INTS6: variants seen among roughly 807,000 people sequenced by gnomAD.
INTS6 encodes the protein DEAD box protein.
INTS6 carries 16 observed loss-of-function variants against 104.9 expected under a neutral mutation model. The observed-to-expected ratio is 0.15, with a 90% confidence interval of 0.10 to 0.23. The LOEUF is 0.23. Among genes scored for constraint, INTS6 ranks in the 10% least tolerant of loss-of-function variants. The pLI is 1.00. For missense variants in INTS6, 584 were observed against 1,062.8 expected, an observed-to-expected ratio of 0.55 and a Z score of 6.26; for synonymous variants, 324 against 358.7, an observed-to-expected ratio of 0.90 and a Z score of 1.09.
chr13:51,428,548 A>C (rs987339007), intron 4 of INTS6, among the ~76,000 whole-genome samples: 26 of 151,854 alleles, frequency 1.7e-4, no homozygotes, highest in Non-Finnish European at 3.7e-4. Flanking sequence ...GCTGGTCTTG[A>C]ACTCCTGATC....
chr13:51,350,883 A>G (rs961288069), downstream of INTS6, among the ~76,000 whole-genome samples: 6 of 152,164 alleles, frequency 3.9e-5, no homozygotes, highest in African/African-American at 1.2e-4. Context: ...AAATTATACA[A>G]TTACATATTG....
At chr13:51,436,231 T>C (rs1952684448) in intron 3 of INTS6, among the ~76,000 whole-genome samples, 2 of 152,140 alleles carry the variant, frequency 1.3e-5, no homozygotes, top group African/African-American at 4.8e-5. Context: ...TTTAACCATG[T>C]GCATTTATTA....
chr13:51,365,193 T>C lies in INTS6; in HGVS notation c.*559A>G, dbSNP rs768067361. On this transcript the variant is annotated 3_prime_UTR_variant, in exon 18 of 18. Coordinates refer to ENST00000311234, the MANE Select transcript of INTS6 (RefSeq NM_012141.3). Reference sequence around the variant, plus strand: ...TCTTAGGATGTTTTTAAATGATTACTTTAAATGTGATTATTTCCTAAACCA... The same window carrying C: ...TCTTAGGATGTTTTTAAATGATTACCTTAAATGTGATTATTTCCTAAACCA... 3.9e-5 allele frequency: 6 copies of C among 152,566 alleles called. No individual in the cohort carries two copies. Among genetic ancestry groups the C allele is most frequent in the Non-Finnish European group, 7.4e-5 (5 of 67,968 alleles). The allele number at this position is 152,566 out of a possible 1,614,324, so 9.5% of individuals were successfully genotyped here. A position where few individuals can be genotyped will look rare whatever the true frequency, so the allele number is the denominator to read the frequency against.
Position 51,369,288 on chromosome 13 carries a change from C to G in INTS6, c.2127G>C (p.Ser709=). The part of the protein sequence containing the change: ...LHKISETTND[S]IIHDVVENHV... ...GATTTTCAACCACATCATGTATTAT[C>G]GAATCATTAGTGGTTTCTGAAACTA... is the stretch of plus-strand genomic sequence containing the variant. The change falls in exon 16 of 18, where the codon TCG becomes TCC. Residue 709 remains serine, a synonymous_variant. Transcript: ENST00000311234. The G allele has an allele frequency of 1.9e-6, 3 of 1,608,962 alleles. No individual in the cohort carries two copies. The highest frequency in any genetic ancestry group is 2.5e-6 in the Non-Finnish European group (3 of 1,176,664).
At chr13:51,422,034 A>C (rs1956904518) in intron 4 of INTS6, among the ~76,000 whole-genome samples, 1 of 152,194 alleles carries the variant, frequency 6.6e-6, no homozygotes, top group Admixed American at 6.5e-5. Flanking sequence ...AACTATCAGA[A>C]TCTGCTCATT....
chr13:51,379,452 T>C lies in INTS6; in HGVS notation c.1386+10A>G. The C allele has an allele frequency of 3.3e-6, 5 of 1,523,222 alleles. No homozygotes were observed. The highest frequency in any genetic ancestry group is 4.5e-6 in the Non-Finnish European group (5 of 1,109,832). 94.4% of individuals were successfully genotyped at this position (1,523,222 alleles called of 1,614,324 possible). A position where few individuals can be genotyped will look rare whatever the true frequency, so the allele number is the denominator to read the frequency against. ...AATACTTAATGGCTCACTCTATTTC[T>C]TGATATTACCTGTTGACTCAGTTTT... On this transcript the variant is annotated intron_variant, in intron 11 of 17. Transcript: ENST00000311234.
chr13:51,384,791 G>A (rs1235572505), intron 7 of INTS6: 1 of 433,142 alleles, frequency 2.3e-6, no homozygotes, highest in Non-Finnish European at 4.6e-6. Flanking sequence ...GCTGCCTTCT[G>A]TCAATACTAA....
chr13:51,341,963 A>G, the INTS6 span, among the ~76,000 whole-genome samples: 3 of 152,136 alleles, frequency 2.0e-5, no homozygotes, highest in African/African-American at 4.8e-5. Flanking sequence ...CAGATCTGCC[A>G]GCTTATTTCT....
Position 51,364,359 on chromosome 13 carries a change from A to G in INTS6, c.*1393T>C. On this transcript the variant is annotated 3_prime_UTR_variant, in exon 18 of 18. Transcript: ENST00000311234. The stretch of plus-strand genomic sequence containing the variant: ...ATTTTGCTATACCCTTGAAATTTAA[A>G]AAAATGTCTGATAAAGTGTAAAAAG... The G allele has an allele frequency of 1.3e-6, 1 of 784,130 alleles. No individual in the cohort carries two copies. The highest frequency in any genetic ancestry group is 1.9e-6 in the Non-Finnish European group (1 of 513,854). The allele number at this position is 784,130 out of a possible 1,614,324, so 48.6% of individuals were successfully genotyped here. A position where few individuals can be genotyped will look rare whatever the true frequency, so the allele number is the denominator to read the frequency against.
At position 51,365,608 on chromosome 13, in the gene INTS6, T is replaced by A; in HGVS notation, c.*144A>T. 1 of 447,400 alleles carries A rather than the reference T, an allele frequency of 2.2e-6. No homozygotes were observed. Among genetic ancestry groups the A allele is most frequent in the Non-Finnish European group, 4.1e-6 (1 of 244,904 alleles). The allele number at this position is 447,400 out of a possible 1,614,324, so 27.7% of individuals were successfully genotyped here. On this transcript the variant is annotated 3_prime_UTR_variant, in exon 18 of 18. Coordinates refer to ENST00000311234, the MANE Select transcript of INTS6 (RefSeq NM_012141.3). ...TGAAGAAAAGGTCACTGTAAAATGA[T>A]GGAAAAAGGATCTGTAGATTTGCTT...
chr13:51,452,671 C>G lies in INTS6; in HGVS notation c.-146G>C. The G allele has an allele frequency of 1.1e-5, 15 of 1,420,598 alleles. No individual in the cohort carries two copies. In the South Asian group the frequency reaches 1.7e-4, roughly 16 times the overall value. 88.0% of individuals were successfully genotyped at this position (1,420,598 alleles called of 1,614,324 possible). A position where few individuals can be genotyped will look rare whatever the true frequency, so the allele number is the denominator to read the frequency against. Reference sequence around the variant, plus strand: ...AACACTGTCTGGGTCTTTCCTCCGGCTGCGGGGAGTTTCTCCCCCGATAGT... The same window carrying G: ...AACACTGTCTGGGTCTTTCCTCCGGGTGCGGGGAGTTTCTCCCCCGATAGT... On this transcript the variant is annotated 5_prime_UTR_variant, in exon 1 of 18. Coordinates refer to ENST00000311234, the MANE Select transcript of INTS6 (RefSeq NM_012141.3). This position sits in a 1 kb window ranked among gnomAD's most constrained non-coding sequence, Gnocchi z 4.2.
chr13:51,356,764 C>T (rs1955487877), downstream of INTS6, among the ~76,000 whole-genome samples: 1 of 146,038 alleles, frequency 6.8e-6, no homozygotes, highest in Non-Finnish European at 1.5e-5. Context: ...TTTAAAAGTA[C>T]CTTTTTTGAT....
rs570802722 is a variant in INTS6 at position 51,436,076 on chromosome 13, T to C, written c.340-5693A>G. 2.0e-5 allele frequency among the ~76,000 whole-genome samples: 3 copies of C among 152,206 alleles called. No individual in the cohort carries two copies. In the East Asian group the frequency reaches 5.8e-4, roughly 29 times the overall value. The stretch of plus-strand genomic sequence containing the variant: ...TCTTTTGATGTCAAACTCTAAAATA[T>C]TCATCTTAAGACATTAACCCTTGTA... On this transcript the variant is annotated intron_variant, in intron 3 of 17. Coordinates refer to ENST00000311234, the MANE Select transcript of INTS6 (RefSeq NM_012141.3).
chr13:51,362,217 G>C lies in INTS6; in HGVS notation c.*3535C>G. 1 of 589,230 alleles carries C rather than the reference G, an allele frequency of 1.7e-6. No homozygotes were observed. The highest frequency in any genetic ancestry group is 3.2e-5 in the South Asian group (1 of 31,646). 36.5% of individuals were successfully genotyped at this position (589,230 alleles called of 1,614,324 possible). A position where few individuals can be genotyped will look rare whatever the true frequency, so the allele number is the denominator to read the frequency against. Reference sequence around the variant, plus strand: ...GAAAGTAAAATAAATTATAAATCTTGCCCTTTTTTCCCTTTGTCCCCTAGC... The same window carrying C: ...GAAAGTAAAATAAATTATAAATCTTCCCCTTTTTTCCCTTTGTCCCCTAGC... On this transcript the variant is annotated 3_prime_UTR_variant, in exon 18 of 18. Coordinates refer to ENST00000311234, the MANE Select transcript of INTS6 (RefSeq NM_012141.3).
In INTS6 at chr13:51,451,973, G is replaced by A. The variant is rs758014353; in HGVS notation, c.189+5C>T. On this transcript the variant is annotated splice_donor_5th_base_variant and intron_variant, in intron 2 of 17. Transcript: ENST00000311234. ...GGAGGAAAGGGGGAGGGCGAGGGCT[G>A]TTACCTTGATAGCATAGGGCGGCTC... 7 of 1,607,216 alleles carry A rather than the reference G, an allele frequency of 4.4e-6. No individual in the cohort carries two copies. The highest frequency in any genetic ancestry group is 2.7e-5 in the African/African-American group (2 of 74,628).
Position 51,364,259 on chromosome 13 carries a change from A to G in INTS6, c.*1493T>C, listed in dbSNP as rs1285205282. On this transcript the variant is annotated 3_prime_UTR_variant, in exon 18 of 18. Coordinates refer to ENST00000311234, the MANE Select transcript of INTS6 (RefSeq NM_012141.3). ...GACAGGGTTTGTCTTCAGTATTGGG[A>G]GAGTTTCAAATCCCCTAGACTAAAT... 2 of 1,477,028 alleles carry G rather than the reference A, an allele frequency of 1.4e-6. No homozygotes were observed. The highest frequency in any genetic ancestry group is 1.8e-6 in the Non-Finnish European group (2 of 1,099,784). The allele number at this position is 1,477,028 out of a possible 1,614,324, so 91.5% of individuals were successfully genotyped here.
rs190050088 is a variant in INTS6, at chr13:51,406,736, C to T, written c.430-11253G>A. ...CTGGAAGCCCCCTGTATGGTCAAGT[C>T]CAACCTTCTTTTCCATCTTGTACTA... is the stretch of plus-strand genomic sequence containing the variant. On this transcript the variant is annotated intron_variant, in intron 4 of 17. Coordinates refer to ENST00000311234, the MANE Select transcript of INTS6 (RefSeq NM_012141.3). 2.4e-3 allele frequency among the ~76,000 whole-genome samples: 366 copies of T among 152,252 alleles called. 1 individual carries two copies. The highest frequency in any genetic ancestry group is 6.8e-3 in the Middle Eastern group (2 of 294).
chr13:51,360,177 C>T (rs1228980438), downstream of INTS6, among the ~76,000 whole-genome samples: 1 of 152,002 alleles, frequency 6.6e-6, no homozygotes, highest in Non-Finnish European at 1.5e-5. Context: ...CCAATTTAAG[C>T]GTTAGTCTAA....
the INTS6 span, chr13:51,348,600 G>A: frequency 1.5e-5 from 8 of 537,722 alleles, no homozygotes; most frequent in Non-Finnish European, 2.2e-5. Flanking sequence ...GCCACTGCTG[G>A]CTAGCTCACA....
Sources: gnomAD v4.1 joint callset for allele counts (sites outside exome capture counted in the v4.1 genomes callset) on GRCh38, gnomAD v4.1.1 for gene constraint, Gnocchi (gnomAD v3.1) non-coding constraint, MANE v1.5 for transcripts, NCBI Gene and HGNC (gene_info 2026-07-23, HGNC 2026-07-21) for gene names.